BTLA: variants seen among roughly 807,000 people sequenced by gnomAD.
BTLA encodes the protein B and T lymphocyte associated, also known as B- and T-lymphocyte attenuator.
BTLA carries 11 observed loss-of-function variants against 25.0 expected under a neutral mutation model. The ratio of observed to expected loss-of-function variants is 0.44; its 90% CI spans 0.28 to 0.73. BTLA has a LOEUF of 0.73. BTLA is among the 30% of genes least tolerant of loss of function. BTLA has a pLI of 0.15. For synonymous variants in BTLA, 104 were observed against 119.8 expected (o/e 0.87, Z 0.86); for missense variants, 282 against 332.8 (o/e 0.85, Z 1.19).
rs367580429 is a variant in BTLA at position 112,499,301 on chromosome 3, T to G, written c.58A>C (p.Ile20Leu). Residue 20 changes from isoleucine to leucine, a missense_variant, in exon 1 of 5, where the codon ATC (isoleucine) becomes CTC (leucine). Around this residue, in one of 2 missense-constraint regions of BTLA, gnomAD observed 163 missense variants for 230.4 expected, o/e 0.71. Transcript: ENST00000334529. ...TGKLFWVFFL[I>L]PYLDIWNIHG... ...ATGTTCCAGATGTCCAGATATGGGA[T>G]TAAGAAGAAGACCCAAAATAATTTC... is the stretch of plus-strand genomic sequence containing the variant. The G allele has an allele frequency of 1.2e-6, 2 of 1,612,246 alleles. No homozygotes were observed. The highest frequency in any genetic ancestry group is 2.7e-5 in the African/African-American group (2 of 74,944).
chr3:112,476,590 G>A (rs2082289764), intron 2 of BTLA, among the ~76,000 whole-genome samples: 1 of 152,084 alleles, frequency 6.6e-6, no homozygotes, highest in Non-Finnish European at 1.5e-5. Context: ...GTAACTTTAA[G>A]GGTCAATTTA....
chr3:112,498,806 G>T (rs1209510873), intron 1 of BTLA, among the ~76,000 whole-genome samples: 1 of 151,924 alleles, frequency 6.6e-6, no homozygotes, highest in African/African-American at 2.4e-5. Flanking sequence ...TTTATTTAGA[G>T]GTAATATTAT....
chr3:112,496,805 G>A (rs2082411622), intron 1 of BTLA, among the ~76,000 whole-genome samples: 1 of 151,726 alleles, frequency 6.6e-6, no homozygotes, highest in Non-Finnish European at 1.5e-5. Flanking sequence ...TCAGCTCACT[G>A]CAACCTCTGC....
rs772382532 is a variant in BTLA, at chr3:112,464,489, G to A, written c.*1619C>T. On this transcript the variant is annotated 3_prime_UTR_variant, in exon 5 of 5. Transcript: ENST00000334529. ...CAGCCTGGCTAAAACAGCCTATCTC[G>A]AATTGGTTGCTTGAAATTCTAGGTG... is the stretch of plus-strand genomic sequence containing the variant. 3 of 238,994 alleles carry A rather than the reference G, an allele frequency of 1.3e-5. No individual in the cohort carries two copies. The highest frequency in any genetic ancestry group is 2.4e-5 in the Non-Finnish European group (3 of 125,348). 14.8% of individuals were successfully genotyped at this position (238,994 alleles called of 1,614,324 possible). A position where few individuals can be genotyped will look rare whatever the true frequency, so the allele number is the denominator to read the frequency against.
At chr3:112,485,507 C>T (rs1157369218) in intron 1 of BTLA, among the ~76,000 whole-genome samples, 1 of 152,206 alleles carries the variant, frequency 6.6e-6, no homozygotes, top group Non-Finnish European at 1.5e-5. Flanking sequence ...GAATAACTAT[C>T]ACAGTTGCTT....
intron 1 of BTLA, among the ~76,000 whole-genome samples, chr3:112,491,926 T>C (rs2082382944): frequency 1.3e-5 from 2 of 152,208 alleles, no homozygotes; most frequent in African/African-American, 2.4e-5. Flanking sequence ...GCACATCCAA[T>C]ATAAGCATGC....
chr3:112,477,557 A>G (rs1258738066), intron 2 of BTLA, among the ~76,000 whole-genome samples: 1 of 151,914 alleles, frequency 6.6e-6, no homozygotes, highest in African/African-American at 2.4e-5. Context: ...TTGTTGTTGA[A>G]TTTTAGTATC....
At chr3:112,485,399 T>G (rs1350239446) in intron 1 of BTLA, among the ~76,000 whole-genome samples, 2 of 152,308 alleles carry the variant, frequency 1.3e-5, no homozygotes, top group East Asian at 3.9e-4. Context: ...ACCCCTTTTC[T>G]GCCTGTTCTG....
Position 112,499,394 on chromosome 3 carries a change from G to C in BTLA, c.-36C>G, listed in dbSNP as rs753175911. The C allele has an allele frequency of 1.9e-6, 3 of 1,593,796 alleles. No individual in the cohort carries two copies. The highest frequency in any genetic ancestry group is 2.2e-5 in the South Asian group (2 of 90,012). ...TATCAGTGATGGAAAAACTGCTCAAGTAGAAGGCTTTGCTTCGTCTTCTGA... is the reference window on the plus strand; with the variant it reads ...TATCAGTGATGGAAAAACTGCTCAACTAGAAGGCTTTGCTTCGTCTTCTGA... On this transcript the variant is annotated 5_prime_UTR_variant, in exon 1 of 5. Transcript: ENST00000334529.
At position 112,481,525 on chromosome 3, in the gene BTLA, T is replaced by C. The variant is rs202168732; in HGVS notation, c.89-1756A>G. Among the ~76,000 whole-genome samples the C allele has an allele frequency of 7.2e-5, 11 of 152,314 alleles. No homozygotes were observed. In the East Asian group the frequency reaches 1.9e-3, roughly 27 times the overall value. ...TCAGAGAACAGAAACCTGAGGCAGA[T>C]CTGGGCAGCAAGCCTGTAAAGGGCA... On this transcript the variant is annotated intron_variant, in intron 1 of 4. Transcript: ENST00000334529.
Position 112,465,937 on chromosome 3 carries a change from G to C in BTLA, c.*171C>G, listed in dbSNP as rs1210433524. ...AAAAAGCTCCCAAATAAGTTTCTGA[G>C]AGAAATTTTAATCATTTATCCTATG... On this transcript the variant is annotated 3_prime_UTR_variant, in exon 5 of 5. Transcript: ENST00000334529. 6.3e-6 allele frequency: 4 copies of C among 632,760 alleles called. No homozygotes were observed. The highest frequency in any genetic ancestry group is 9.6e-6 in the Non-Finnish European group (4 of 415,766). The allele number at this position is 632,760 out of a possible 1,614,324, so 39.2% of individuals were successfully genotyped here.
intron 2 of BTLA, among the ~76,000 whole-genome samples, chr3:112,472,349 G>T (rs536611269): frequency 1.5e-4 from 23 of 151,716 alleles, no homozygotes; most frequent in East Asian, 9.7e-4. Flanking sequence ...TGTTGTTGTT[G>T]TTGTTTTTTT....
At chr3:112,484,676 C>T (rs1381805868) in intron 1 of BTLA, among the ~76,000 whole-genome samples, 1 of 152,226 alleles carries the variant, frequency 6.6e-6, no homozygotes, top group Non-Finnish European at 1.5e-5. Context: ...ACTTCAAGTT[C>T]TGTCTTTTGT....
At chr3:112,472,165 C>T (rs575101690) in intron 2 of BTLA, among the ~76,000 whole-genome samples, 1 of 152,138 alleles carries the variant, frequency 6.6e-6, no homozygotes, top group African/African-American at 2.4e-5. Flanking sequence ...GAGTAGAAGC[C>T]GGGGATTCTG....
chr3:112,466,799 T>G (rs2082230468), intron 4 of BTLA, among the ~76,000 whole-genome samples: 2 of 152,102 alleles, frequency 1.3e-5, no homozygotes, highest in South Asian at 2.1e-4. Flanking sequence ...AAATACCCCC[T>G]AAGAGGGCAG....
rs1229975149 is a variant in BTLA at position 112,465,787 on chromosome 3, A to G, written c.*321T>C. The G allele has an allele frequency of 5.2e-6, 1 of 193,880 alleles. No homozygotes were observed. The highest frequency in any genetic ancestry group is 6.0e-5 in the Admixed American group (1 of 16,724). The allele number at this position is 193,880 out of a possible 1,614,324, so 12.0% of individuals were successfully genotyped here. On this transcript the variant is annotated 3_prime_UTR_variant, in exon 5 of 5. Transcript: ENST00000334529. Reference sequence around the variant, plus strand: ...TCTTTTCCCTACAAGTCTTTCCAATAGCTTCAAAGGCAAGATCGAGTTTGT... The same window carrying G: ...TCTTTTCCCTACAAGTCTTTCCAATGGCTTCAAAGGCAAGATCGAGTTTGT...
intron 1 of BTLA, among the ~76,000 whole-genome samples, chr3:112,480,010 C>A (rs1159431503): frequency 6.6e-6 from 1 of 152,186 alleles, no homozygotes; most frequent in East Asian, 1.9e-4. Flanking sequence ...GCTAAGCCAT[C>A]ATATACCCTG....
chr3:112,497,888 A>T (rs1224472622), intron 1 of BTLA, among the ~76,000 whole-genome samples: 1 of 152,166 alleles, frequency 6.6e-6, no homozygotes, highest in Non-Finnish European at 1.5e-5. Context: ...CAGAATATTT[A>T]AAACCTGAAA....
intron 2 of BTLA, among the ~76,000 whole-genome samples, chr3:112,474,795 C>A (rs2107315788): frequency 6.6e-6 from 1 of 152,224 alleles, no homozygotes; most frequent in African/African-American, 2.4e-5. Flanking sequence ...GCAGCATACA[C>A]AGGGCAATGA....
Sources: gnomAD v4.1 joint callset for allele counts (sites outside exome capture counted in the v4.1 genomes callset) on GRCh38, gnomAD v4.1.1 for gene constraint, gnomAD v4.1.1 regional missense constraint, MANE v1.5 for transcripts, NCBI Gene and HGNC (gene_info 2026-07-23, HGNC 2026-07-21) for gene names.